Variants in ADAM12 observed in about 807,000 individuals in gnomAD.
The protein encoded by ADAM12 is ADAM metallopeptidase domain 12, also known as disintegrin and metalloproteinase domain-containing protein 12.
Under a neutral mutation model 106.4 loss-of-function variants are expected in ADAM12, and 70 were observed. That is an observed-to-expected ratio of 0.66 (90% CI 0.54 to 0.80). The LOEUF (loss-of-function observed/expected upper bound fraction) is 0.80. Ranked by LOEUF, ADAM12 falls within the 30% of genes least tolerant of loss-of-function variation. ADAM12 has a pLI of 0.00. For synonymous variants in ADAM12, 420 were observed against 433.5 expected, an observed-to-expected ratio of 0.97 and a Z score of 0.39; for missense variants, 1,010 against 1,171.9, an observed-to-expected ratio of 0.86 and a Z score of 2.02.
chr10:126,077,589 C>A (rs12411626), intron 11 of ADAM12, among the ~76,000 whole-genome samples: 18,830 of 152,010 alleles, frequency 0.12, 1,527 homozygotes, highest in African/African-American at 0.21. Context: ...AAATAAACCC[C>A]GACACCTATA....
intron 10 of ADAM12, among the ~76,000 whole-genome samples, chr10:126,095,728 C>T (rs1955546759): frequency 6.6e-6 from 1 of 151,998 alleles, no homozygotes; most frequent in African/African-American, 2.4e-5. Context: ...CCCGCACTGC[C>T]TTGGGACTCT....
intron 2 of ADAM12, among the ~76,000 whole-genome samples, chr10:126,321,826 T>C (rs957436170): frequency 6.1e-5 from 9 of 147,362 alleles, no homozygotes; most frequent in African/African-American, 2.0e-4. Context: ...CAGAGGAATA[T>C]GCAAAGAATA....
chr10:126,145,305 G>T (rs542944949), intron 4 of ADAM12, among the ~76,000 whole-genome samples: 4 of 152,198 alleles, frequency 2.6e-5, no homozygotes, highest in African/African-American at 9.6e-5. Flanking sequence ...TGGTTCAGCT[G>T]CTCTCCCCCA....
At chr10:126,224,668 T>A (rs1324522695) in intron 3 of ADAM12, among the ~76,000 whole-genome samples, 1 of 152,158 alleles carries the variant, frequency 6.6e-6, no homozygotes, top group Non-Finnish European at 1.5e-5. Context: ...AATCACAACA[T>A]ACCAGCTCCA....
chr10:126,233,521 T>C (rs894279747), intron 3 of ADAM12, among the ~76,000 whole-genome samples: 8 of 150,854 alleles, frequency 5.3e-5, no homozygotes, highest in East Asian at 2.0e-4. Context: ...GGGTGGGCGG[T>C]TGGGGAAAGG....
intron 21 of ADAM12, among the ~76,000 whole-genome samples, chr10:126,024,976 A>G (rs1953841562): frequency 6.6e-6 from 1 of 152,134 alleles, no homozygotes; most frequent in South Asian, 2.1e-4. Context: ...ACCCCCAGCA[A>G]ATTGCAGCAG....
chr10:126,023,637 C>T (rs1161063065), intron 21 of ADAM12, among the ~76,000 whole-genome samples: 1 of 152,192 alleles, frequency 6.6e-6, no homozygotes, highest in Non-Finnish European at 1.5e-5. Context: ...TAAATACATA[C>T]TATAATCTAT....
chr10:126,122,020 G>A (rs1956124875), intron 5 of ADAM12, among the ~76,000 whole-genome samples: 1 of 152,116 alleles, frequency 6.6e-6, no homozygotes, highest in Non-Finnish European at 1.5e-5. Flanking sequence ...AATAGACAAG[G>A]CAGCATCGAG....
chr10:126,180,696 A>T (rs1957297154), intron 3 of ADAM12, among the ~76,000 whole-genome samples: 1 of 152,190 alleles, frequency 6.6e-6, no homozygotes, highest in Non-Finnish European at 1.5e-5. Flanking sequence ...TTGCTTTTGC[A>T]TTGGAAGTTA....
chr10:126,356,810 CTAGAGA>C (rs372457926), intron 1 of ADAM12, among the ~76,000 whole-genome samples: 100 of 152,082 alleles, frequency 6.6e-4, no homozygotes, highest in African/African-American at 2.3e-3. Context: ...AATAGAAACA[CTAGAGA>C]TAAAGAATAC....
intron 8 of ADAM12, among the ~76,000 whole-genome samples, chr10:126,101,976 C>T (rs77054016): frequency 0.015 from 2,340 of 152,210 alleles, 72 homozygotes; most frequent in East Asian, 0.078. Context: ...CAAGACTTCT[C>T]ACTCCCCTGC....
At chr10:126,222,981 T>G (rs1172437176) in intron 3 of ADAM12, among the ~76,000 whole-genome samples, 1 of 152,256 alleles carries the variant, frequency 6.6e-6, no homozygotes, top group Non-Finnish European at 1.5e-5. Flanking sequence ...CTATGTCAGC[T>G]GATTCATCAT....
At chr10:126,243,110 C>T (rs949209524) in intron 3 of ADAM12, among the ~76,000 whole-genome samples, 3 of 152,186 alleles carry the variant, frequency 2.0e-5, no homozygotes, top group Non-Finnish European at 4.4e-5. Context: ...ATGGCTGCAT[C>T]GTGTTGCTGG....
chr10:126,354,375 C>G (rs1449589953), intron 1 of ADAM12, among the ~76,000 whole-genome samples: 1 of 152,144 alleles, frequency 6.6e-6, no homozygotes, highest in African/African-American at 2.4e-5. Flanking sequence ...TCAAGTAACT[C>G]ATAGTCCTGT....
chr10:126,135,596 C>A lies in ADAM12; in HGVS notation c.404G>T (p.Cys135Phe). 1 of 1,614,204 alleles carries A rather than the reference C, an allele frequency of 6.2e-7. No homozygotes were observed. The highest frequency in any genetic ancestry group is 2.2e-5 in the East Asian group (1 of 44,884). The change falls in exon 5 of 23, where the codon TGT becomes TTT. Residue 135 changes from cysteine (C) to phenylalanine (F), a missense_variant. Coordinates refer to ENST00000448723, the MANE Select transcript of ADAM12 (RefSeq NM_001288973.2). ...CATGGCCACTTACCTGAGACCAGAA[C>A]ACGTGCTGAGACTGACTGCTGAATC... ...YSDSAVSLST[C>F]SGLRGLIVFE...
intron 2 of ADAM12, among the ~76,000 whole-genome samples, chr10:126,297,127 C>T (rs1960417487): frequency 6.6e-6 from 1 of 152,220 alleles, no homozygotes. Context: ...TTTGATTCAA[C>T]AATTCCACTT....
intron 1 of ADAM12, among the ~76,000 whole-genome samples, chr10:126,334,778 C>T (rs73369005): frequency 0.062 from 9,418 of 152,162 alleles, 955 homozygotes; most frequent in African/African-American, 0.22. Flanking sequence ...AAGTCCACAC[C>T]ACCCTGATGC....
At position 126,035,769 on chromosome 10, in the gene ADAM12, A is replaced by G. The variant is rs372470058; in HGVS notation, c.2529+377T>C. On this transcript the variant is annotated intron_variant, in intron 21 of 22. Coordinates refer to ENST00000448723, the MANE Select transcript of ADAM12 (RefSeq NM_001288973.2). ...AATAATTTTGAAATAAAATGATGAGAGAGTATAACTGATGCTTCTTAGGGT... is the reference window on the plus strand; with the variant it reads ...AATAATTTTGAAATAAAATGATGAGGGAGTATAACTGATGCTTCTTAGGGT... Among the ~76,000 whole-genome samples, 530 of 152,296 alleles carry G rather than the reference A, an allele frequency of 3.5e-3. 1 individual carries two copies. The highest frequency in any genetic ancestry group is 0.012 in the African/African-American group (499 of 41,568).
Position 126,303,409 on chromosome 10 carries a change from G to A in ADAM12, c.187-24421C>T, listed in dbSNP as rs532297490. On this transcript the variant is annotated intron_variant, in intron 2 of 22. Coordinates refer to ENST00000448723, the MANE Select transcript of ADAM12 (RefSeq NM_001288973.2). ...TGTGATTAGTGGGAAGAGTTAAATC[G>A]CTGTAGAAATCCTATTAGAAAGAGT... Among the ~76,000 whole-genome samples the A allele has an allele frequency of 2.0e-5, 3 of 152,222 alleles. No homozygotes were observed. The East Asian group carries it at 5.8e-4, about 29-fold the overall frequency.
Sources: allele counts gnomAD v4.1 joint callset (sites outside exome capture counted in the v4.1 genomes callset), GRCh38; gene constraint gnomAD v4.1.1; transcripts MANE v1.5; gene names NCBI Gene and HGNC (gene_info 2026-07-23, HGNC 2026-07-21).